Variants in CENPC observed in about 807,000 individuals in gnomAD.
CENPC encodes centromere protein C.
Under a neutral mutation model 112.1 loss-of-function variants are expected in CENPC, and 63 were observed. The observed-to-expected ratio is 0.56, with a 90% CI of 0.46 to 0.69. CENPC has a LOEUF of 0.69. Ranked by LOEUF, CENPC falls within the 30% of genes least tolerant of loss-of-function variation. The pLI is 0.00. For synonymous variants in CENPC, 333 were observed against 367.6 expected, an observed-to-expected ratio of 0.91 and a Z score of 1.08; for missense variants, 1,000 against 1,103.8, an observed-to-expected ratio of 0.91 and a Z score of 1.33.
chr4:67,495,441 T>C (rs1725405688), intron 12 of CENPC, among the ~76,000 whole-genome samples: 2 of 152,218 alleles, frequency 1.3e-5, no homozygotes, highest in Admixed American at 6.5e-5. Flanking sequence ...CAATCCACCT[T>C]ATTTTGTGGT....
In CENPC at chr4:67,505,249, G is replaced by A. The variant is rs1472169396; in HGVS notation, c.2087C>T (p.Ser696Phe). Residue 696 changes from serine to phenylalanine, a missense_variant, in exon 12 of 19, where the codon TCT becomes TTT. Transcript: ENST00000273853. ...PSRLNNNYLMSGKNDVDDEEV... is the reference protein window; with the variant it reads ...PSRLNNNYLMFGKNDVDDEEV... Reference sequence around the variant, plus strand: ...CTCATCATCCACATCATTCTTTCCAGACATTAAATAATTATTATTGAGCCT... The same window carrying A: ...CTCATCATCCACATCATTCTTTCCAAACATTAAATAATTATTATTGAGCCT... The A allele has an allele frequency of 6.3e-7, 1 of 1,580,420 alleles. No homozygotes were observed. Among genetic ancestry groups the A allele is most frequent in the African/African-American group, 1.4e-5 (1 of 74,002 alleles).
chr4:67,474,893 G>T lies in CENPC; in HGVS notation c.2756C>A (p.Pro919His). ...ILSTGDSFYV[P>H]SGNYYNIKNL... ...AGTGAAATAAATTGTCTTACCTGAA[G>T]GAACATAGAACGAATCCCCAGTACT... The change falls in exon 18 of 19, where the codon CCT (proline) becomes CAT (histidine). Residue 919 changes from proline to histidine, a missense_variant. Coordinates refer to ENST00000273853, the MANE Select transcript of CENPC (RefSeq NM_001812.4). 6.4e-7 allele frequency: 1 copy of T among 1,555,710 alleles called. No individual in the cohort carries two copies. Among genetic ancestry groups the T allele is most frequent in the Non-Finnish European group, 8.8e-7 (1 of 1,138,114 alleles).
chr4:67,481,572 A>G (rs1724958515), intron 17 of CENPC, among the ~76,000 whole-genome samples: 1 of 152,222 alleles, frequency 6.6e-6, no homozygotes, highest in African/African-American at 2.4e-5. Context: ...AGACCATGGA[A>G]CTGAATAGAG....
chr4:67,485,095 A>G (rs898380179), intron 17 of CENPC, among the ~76,000 whole-genome samples: 1 of 152,136 alleles, frequency 6.6e-6, no homozygotes, highest in Non-Finnish European at 1.5e-5. Flanking sequence ...TCCAACTCAA[A>G]AAGATTATCA....
intron 9 of CENPC, chr4:67,512,199 A>G: frequency 2.4e-6 from 1 of 410,356 alleles, no homozygotes; most frequent in Non-Finnish European, 4.2e-6. Context: ...TTGTTTTCCC[A>G]CAGCTATTAT....
At chr4:67,507,752 A>G (rs1373053003) in intron 10 of CENPC, among the ~76,000 whole-genome samples, 1 of 152,172 alleles carries the variant, frequency 6.6e-6, no homozygotes, top group African/African-American at 2.4e-5. Context: ...TAAAGCCAGT[A>G]TTACCCTGAT....
At position 67,518,319 on chromosome 4, in the gene CENPC, T is replaced by C; in HGVS notation, c.667A>G (p.Lys223Glu). The C allele has an allele frequency of 1.3e-6, 2 of 1,543,612 alleles. No individual in the cohort carries two copies. The highest frequency in any genetic ancestry group is 1.7e-6 in the Non-Finnish European group (2 of 1,146,096). The change falls in exon 7 of 19, where the codon AAA becomes GAA. Residue 223 changes from lysine (K) to glutamate (E), a missense_variant. Physicochemically the swap from Lys to Glu is moderately conservative, Grantham distance 56. Coordinates refer to ENST00000273853, the MANE Select transcript of CENPC (RefSeq NM_001812.4). ...VMLKKIEIDN[K>E]VSDEEDKTSE... is the part of the protein sequence containing the mutation. ...GTTTTATCCTCTTCATCTGATACTTTATTATCTATTTCTATTTTCTTTAAC... is the reference window on the plus strand; with the variant it reads ...GTTTTATCCTCTTCATCTGATACTTCATTATCTATTTCTATTTTCTTTAAC...
chr4:67,506,984 T>C, intron 10 of CENPC, 50 bp from the exon 11 acceptor site: 2 of 1,447,906 alleles, frequency 1.4e-6, no homozygotes, highest in African/African-American at 2.9e-5. Flanking sequence ...AAAATAAAAT[T>C]TTCTTCCAGA....
At position 67,472,458 on chromosome 4, in the gene CENPC, T is replaced by C; in HGVS notation, c.*147A>G. On this transcript the variant is annotated 3_prime_UTR_variant, in exon 19 of 19. Transcript: ENST00000273853. ...TCAGAAAAAACATGTGAGTTAGAAA[T>C]GTTTATCAAATACAAGTCTACAGAA... is the stretch of plus-strand genomic sequence containing the variant. 1 of 1,071,166 alleles carries C rather than the reference T, an allele frequency of 9.3e-7. No homozygotes were observed. Among genetic ancestry groups the C allele is most frequent in the Non-Finnish European group, 1.2e-6 (1 of 830,878 alleles). The allele number at this position is 1,071,166 out of a possible 1,614,324, so 66.4% of individuals were successfully genotyped here. A position where few individuals can be genotyped will look rare whatever the true frequency, so the allele number is the denominator to read the frequency against.
intron 16 of CENPC, among the ~76,000 whole-genome samples, chr4:67,491,476 TATATAGAGAGAGAGAG>T (rs1316506166): frequency 2.4e-4 from 7 of 28,590 alleles, no homozygotes; most frequent in African/African-American, 5.2e-4. Context: ...TATATATATA[TATATAGAGAGAGAGAG>T]AGAGAGAGAG....
chr4:67,493,452 C>A, intron 14 of CENPC: 1 of 174,974 alleles, frequency 5.7e-6, no homozygotes, highest in Non-Finnish European at 1.2e-5. Context: ...ATGAGACCAG[C>A]CTGGACAACA....
At position 67,495,229 on chromosome 4, in the gene CENPC, A is replaced by G; in HGVS notation, c.2132-17T>C. 6.6e-7 allele frequency: 1 copy of G among 1,518,164 alleles called. No homozygotes were observed. Among genetic ancestry groups the G allele is most frequent in the Non-Finnish European group, 8.8e-7 (1 of 1,132,998 alleles). 94.0% of individuals were successfully genotyped at this position (1,518,164 alleles called of 1,614,324 possible). A position where few individuals can be genotyped will look rare whatever the true frequency, so the allele number is the denominator to read the frequency against. On this transcript the variant is annotated splice_polypyrimidine_tract_variant and intron_variant, in intron 12 of 18. Transcript: ENST00000273853. ...TTGAGTCATCTACAAAATGCAAAAGATAATATCATAAGAAATGACTGCTAA... is the reference window on the plus strand; with the variant it reads ...TTGAGTCATCTACAAAATGCAAAAGGTAATATCATAAGAAATGACTGCTAA...
intron 5 of CENPC, among the ~76,000 whole-genome samples, chr4:67,525,230 G>A (rs355497): frequency 0.17 from 25,593 of 152,020 alleles, 2,972 homozygotes; most frequent in East Asian, 0.57. Flanking sequence ...AACCCTAGAA[G>A]AAAACCTAGG....
At position 67,469,893 on chromosome 4, in the gene CENPC, C is replaced by T. The variant is rs1406110389; in HGVS notation, c.*2712G>A. The T allele has an allele frequency of 6.6e-6, 1 of 152,082 alleles. No individual in the cohort carries two copies. Among genetic ancestry groups the T allele is most frequent in the African/African-American group, 2.4e-5 (1 of 41,334 alleles). The allele number at this position is 152,082 out of a possible 1,614,324, so 9.4% of individuals were successfully genotyped here. On this transcript the variant is annotated 3_prime_UTR_variant, in exon 19 of 19. Transcript: ENST00000273853. Reference sequence around the variant, plus strand: ...GCAGGGTACAGAAGTGGAAACTCCACTGAAAAAGAGCTCCAGAAATCTGCA... The same window carrying T: ...GCAGGGTACAGAAGTGGAAACTCCATTGAAAAAGAGCTCCAGAAATCTGCA...
At chr4:67,485,662 C>G (rs1160267319) in intron 17 of CENPC, among the ~76,000 whole-genome samples, 2 of 152,162 alleles carry the variant, frequency 1.3e-5, no homozygotes, top group African/African-American at 4.8e-5. Flanking sequence ...TATTTCTCCT[C>G]CTTATTTTTT....
intron 16 of CENPC, among the ~76,000 whole-genome samples, chr4:67,490,866 AT>A (rs1560422788): frequency 0.097 from 7,129 of 73,274 alleles, 316 homozygotes; most frequent in Middle Eastern, 0.16. Context: ...ATATATATAT[AT>A]ATATATATAT....
At chr4:67,475,963 C>CT (rs1724793968) in intron 17 of CENPC, among the ~76,000 whole-genome samples, 1 of 152,164 alleles carries the variant, frequency 6.6e-6, no homozygotes, top group South Asian at 2.1e-4. Flanking sequence ...AGCAAACTGC[C>CT]TACATGATAG....
At chr4:67,540,487 G>A (rs1419676845) in intron 3 of CENPC, among the ~76,000 whole-genome samples, 5 of 152,062 alleles carry the variant, frequency 3.3e-5, no homozygotes, top group Non-Finnish European at 5.9e-5. Flanking sequence ...TAGCCAACAT[G>A]GTGAAACCTG....
Position 67,472,658 on chromosome 4 carries a change from TG to T in CENPC, c.2778del (p.Asn928IlefsTer14). 6.6e-7 allele frequency: 1 copy of T among 1,513,270 alleles called. No homozygotes were observed. The allele number at this position is 1,513,270 out of a possible 1,614,324, so 93.7% of individuals were successfully genotyped here. On this transcript the variant is annotated frameshift_variant, in exon 19 of 19. Transcript: ENST00000273853. LOFTEE classifies it high-confidence loss of function. ...ACACTTTCCTCATTCCGGAGATTTT[TG>T]ATGTTATAATAGTTACCTAAAAGTA... ...FYVPSGNYYN[I>X]KNLRNEESVL... is the part of the protein sequence containing the mutation.
Sources: allele counts gnomAD v4.1 joint callset (sites outside exome capture counted in the v4.1 genomes callset), GRCh38; gene constraint gnomAD v4.1.1; transcripts MANE v1.5; gene names NCBI Gene and HGNC (gene_info 2026-07-23, HGNC 2026-07-21).